Variants in PKD1L3 observed in about 807,000 individuals in gnomAD.
The protein encoded by PKD1L3 is polycystin-1-like protein 3.
A neutral mutation model predicts 184.1 loss-of-function variants in PKD1L3; 239 were observed. That is an observed-to-expected ratio of 1.30 (90% CI 1.17 to 1.45). The LOEUF (loss-of-function observed/expected upper bound fraction) is 1.45, where lower values mean the gene tolerates loss of function less well. Ranked by LOEUF, PKD1L3 falls within the 40% of genes most tolerant of loss-of-function variation. The probability of loss-of-function intolerance (pLI) is 0.00; values close to 1 mark genes in which losing one functional copy is unlikely to be tolerated. For missense variants in PKD1L3, 2,660 were observed against 2,067.2 expected, an observed-to-expected ratio of 1.29 and a Z score of -5.56; for synonymous variants, 996 against 778.8, an observed-to-expected ratio of 1.28 and a Z score of -4.64.
At position 71,970,047 on chromosome 16, in the gene PKD1L3, A is replaced by G. The variant is rs2039652766; in HGVS notation, c.2012T>C (p.Phe671Ser). 9 of 1,551,686 alleles carry G rather than the reference A, an allele frequency of 5.8e-6. No individual in the cohort carries two copies. Among genetic ancestry groups the G allele is most frequent in the Non-Finnish European group, 7.8e-6 (9 of 1,146,994 alleles). The change falls in exon 13 of 30, where the codon TTT becomes TCT. Residue 671 changes from phenylalanine to serine, a missense_variant. Coordinates refer to ENST00000620267, the MANE Select transcript of PKD1L3 (RefSeq NM_181536.2). ...GGGCACGACAAAGAAGTCGCTGGCA[A>G]AGAAGGTCAGGTGGTTACAGAGACA... is the stretch of plus-strand genomic sequence containing the variant. ...TQCLCNHLTF[F>S]ASDFFVVPRT...
At chr16:71,994,445 C>T (rs1017860244) in intron 2 of PKD1L3, among the ~76,000 whole-genome samples, 4 of 152,136 alleles carry the variant, frequency 2.6e-5, no homozygotes, top group African/African-American at 9.7e-5. Flanking sequence ...GAGACAATGC[C>T]TTCTCTCATG....
At chr16:71,967,794 C>G in intron 14 of PKD1L3, 112 bp downstream of exon 14, 1 of 875,248 alleles carries the variant, frequency 1.1e-6, no homozygotes, top group Non-Finnish European at 1.8e-6. Flanking sequence ...TAGAAAATAC[C>G]AATCTCTAGT....
chr16:71,936,755 C>T (rs1289902864), intron 25 of PKD1L3, among the ~76,000 whole-genome samples: 3 of 152,106 alleles, frequency 2.0e-5, no homozygotes, highest in Non-Finnish European at 4.4e-5. Context: ...AGTGCTTGAA[C>T]TACAGGCATG....
In PKD1L3 at chr16:72,000,043, A is replaced by G; in HGVS notation, c.-65T>C. On this transcript the variant is annotated 5_prime_UTR_variant, in exon 1 of 30. Transcript: ENST00000620267. ...CAGCTGCCTGGTCCTTTAAATATAT[A>G]TATTGGCGGGCTTGTCTTATTAGTA... The G allele has an allele frequency of 8.0e-7, 1 of 1,248,868 alleles. No homozygotes were observed. 77.4% of individuals were successfully genotyped at this position (1,248,868 alleles called of 1,614,324 possible).
chr16:71,947,858 G>C (rs1597300391), intron 21 of PKD1L3, among the ~76,000 whole-genome samples: 1 of 151,428 alleles, frequency 6.6e-6, no homozygotes, highest in Non-Finnish European at 1.5e-5. Flanking sequence ...CAAACGATTT[G>C]TGTTGTCTAT....
intron 10 of PKD1L3, 37 bp downstream of exon 10, chr16:71,978,218 T>C (rs2040002913): frequency 1.4e-5 from 22 of 1,532,134 alleles, no homozygotes; most frequent in African/African-American, 2.8e-5. Flanking sequence ...GAATATCCCA[T>C]TCTCTTCTAT....
chr16:71,977,141 A>T (rs3929023), intron 11 of PKD1L3, 95 bp downstream of exon 11: 2 of 934,086 alleles, frequency 2.1e-6, no homozygotes, highest in Non-Finnish European at 3.3e-6. Context: ...TGAGCCTGAC[A>T]GTTTGAGGCT....
At position 71,938,702 on chromosome 16, in the gene PKD1L3, T is replaced by A. The variant is rs368329510; in HGVS notation, c.4325-1283A>T. Reference sequence around the variant, plus strand: ...GATGGCAGGATGACCTGCCTGCAGATAGGAGCTACCCACTCCAGATCTCTC... The same window carrying A: ...GATGGCAGGATGACCTGCCTGCAGAAAGGAGCTACCCACTCCAGATCTCTC... On this transcript the variant is annotated intron_variant, in intron 24 of 29. Coordinates refer to ENST00000620267, the MANE Select transcript of PKD1L3 (RefSeq NM_181536.2). 1.6e-4 allele frequency among the ~76,000 whole-genome samples: 24 copies of A among 152,302 alleles called. 1 individual carries two copies. The highest frequency in any genetic ancestry group is 9.8e-4 in the Admixed American group (15 of 15,298).
chr16:71,972,076 C>T (rs184143714), intron 12 of PKD1L3, among the ~76,000 whole-genome samples: 30 of 152,118 alleles, frequency 2.0e-4, no homozygotes, highest in Non-Finnish European at 1.0e-4. Flanking sequence ...ATTAGCCGGG[C>T]GCAGTGGTGG....
intron 4 of PKD1L3, among the ~76,000 whole-genome samples, chr16:71,987,705 A>G (rs925421646): frequency 6.6e-6 from 1 of 151,928 alleles, no homozygotes; most frequent in African/African-American, 2.4e-5. Flanking sequence ...GGATTTCACT[A>G]CGTTGCCCAG....
At chr16:71,983,777 C>T (rs1419293932) in intron 6 of PKD1L3, among the ~76,000 whole-genome samples, 1 of 141,214 alleles carries the variant, frequency 7.1e-6, no homozygotes, top group Non-Finnish European at 1.5e-5. Context: ...GATTATTGTG[C>T]CTCAGCCTTC....
At chr16:71,963,922 C>T (rs192823743) in intron 15 of PKD1L3, among the ~76,000 whole-genome samples, 13 of 152,360 alleles carry the variant, frequency 8.5e-5, no homozygotes, top group Admixed American at 5.2e-4. Context: ...TAACCTTTCT[C>T]TGTCCCATAT....
intron 28 of PKD1L3, among the ~76,000 whole-genome samples, chr16:71,932,694 G>A (rs1479172495): frequency 1.3e-5 from 2 of 151,106 alleles, no homozygotes; most frequent in African/African-American, 4.9e-5. Flanking sequence ...GGCCAGGCTG[G>A]TCTTGAACTC....
chr16:71,954,575 T>C (rs771936737), intron 16 of PKD1L3, among the ~76,000 whole-genome samples: 1 of 152,236 alleles, frequency 6.6e-6, no homozygotes, highest in African/African-American at 2.4e-5. Flanking sequence ...TTAAAAATGG[T>C]TGTTTTAGCT....
In PKD1L3 at chr16:71,942,803, A is replaced by G. The variant is rs981318373; in HGVS notation, c.4081T>C (p.Cys1361Arg). The change falls in exon 24 of 30, where the codon TGT becomes CGT. Residue 1361 changes from cysteine (C) to arginine (R), a missense_variant. Coordinates refer to ENST00000620267, the MANE Select transcript of PKD1L3 (RefSeq NM_181536.2). ...ATTTGGAAAATTAATTGTACCCCAC[A>G]TTTGCAATGACTGGGCTCCAGGACT... ...NAVLEPSHCKCGVQLIFQIPR... is the reference protein window; with the variant it reads ...NAVLEPSHCKRGVQLIFQIPR... The G allele has an allele frequency of 5.2e-6, 8 of 1,551,478 alleles. No individual in the cohort carries two copies. The African/African-American group carries it at 9.6e-5, about 19-fold the overall frequency.
Position 71,990,880 on chromosome 16 carries a change from A to C in PKD1L3, c.536-551T>G, listed in dbSNP as rs539486374. 5.3e-5 allele frequency among the ~76,000 whole-genome samples: 8 copies of C among 152,314 alleles called. No individual in the cohort carries two copies. The South Asian group carries it at 1.0e-3, about 20-fold the overall frequency. ...TATCAACAACAAAATCCAGAAAAAA[A>C]GTTCAGAAAGCTGTTAATACATCCT... On this transcript the variant is annotated intron_variant, in intron 3 of 29. Transcript: ENST00000620267.
Position 71,980,177 on chromosome 16 carries a change from T to G in PKD1L3, c.1144-43A>C, listed in dbSNP as rs150559427. 8.8e-5 allele frequency: 135 copies of G among 1,533,440 alleles called. 1 individual carries two copies. The Middle Eastern group carries it at 1.7e-3, about 19-fold the overall frequency. The allele number at this position is 1,533,440 out of a possible 1,614,324, so 95.0% of individuals were successfully genotyped here. ...CAGTGTGTGACTTGTAAAACCTCAG[T>G]GTCTTATGTTAGTAAAATAATGTTT... On this transcript the variant is annotated intron_variant, in intron 7 of 29. Transcript: ENST00000620267.
At chr16:71,991,517 G>C (rs1330378619) in intron 3 of PKD1L3, among the ~76,000 whole-genome samples, 1 of 152,158 alleles carries the variant, frequency 6.6e-6, no homozygotes, top group Non-Finnish European at 1.5e-5. Context: ...AGCAGATGTG[G>C]AAAAATTAGT....
intron 15 of PKD1L3, among the ~76,000 whole-genome samples, chr16:71,964,311 T>C (rs957531538): frequency 1.7e-4 from 1 of 5,750 alleles, no homozygotes; most frequent in Non-Finnish European, 4.1e-4. Context: ...GTCAAAATCT[T>C]TTTTTTTTTT....
Sources: allele counts gnomAD v4.1 joint callset (sites outside exome capture counted in the v4.1 genomes callset), GRCh38; gene constraint gnomAD v4.1.1; transcripts MANE v1.5; gene names NCBI Gene and HGNC (gene_info 2026-07-23, HGNC 2026-07-21).